The following PIK3CA variants were observed in gnomAD, a reference collection of about 807,000 sequenced individuals.
The protein encoded by PIK3CA is phosphatidylinositol 4,5-bisphosphate 3-kinase catalytic subunit alpha isoform.
In PIK3CA, 27 loss-of-function variants were observed where a neutral mutation model predicts 138.2. That is an observed-to-expected ratio of 0.20 (90% CI 0.14 to 0.27). The LOEUF (loss-of-function observed/expected upper bound fraction) is 0.27. PIK3CA is among the 10% of genes least tolerant of loss of function. PIK3CA has a pLI of 1.00. For missense variants in PIK3CA, 544 were observed against 1,277.4 expected, an observed-to-expected ratio of 0.43 and a Z score of 8.75; for synonymous variants, 358 against 413.2, an observed-to-expected ratio of 0.87 and a Z score of 1.62.
At chr3:179,229,193 A>G (rs1325483569) in intron 17 of PIK3CA, 79 bp from the exon 18 acceptor site, 1 of 1,101,406 alleles carries the variant, frequency 9.1e-7, no homozygotes, top group African/African-American at 1.6e-5. Flanking sequence ...CTAATAAAAT[A>G]CTCATGTTTT....
chr3:179,226,139 A>C (rs1332209596), intron 17 of PIK3CA, 99 bp downstream of exon 17: 1 of 643,326 alleles, frequency 1.6e-6, no homozygotes, highest in Non-Finnish European at 2.8e-6. Context: ...TCTAAAAAGA[A>C]ATGTATGCAG....
intron 9 of PIK3CA, among the ~76,000 whole-genome samples, chr3:179,210,992 T>C (rs564882752): frequency 1.4e-4 from 22 of 152,136 alleles, no homozygotes; most frequent in Non-Finnish European, 2.5e-4. Flanking sequence ...TCAATAAATA[T>C]ATTGGAAAAT....
At chr3:179,223,465 A>G (rs1576944978) in intron 14 of PIK3CA, among the ~76,000 whole-genome samples, 1 of 152,210 alleles carries the variant, frequency 6.6e-6, no homozygotes, top group East Asian at 1.9e-4. Flanking sequence ...CCATGTAACA[A>G]ATGTTTTTAC....
intron 1 of PIK3CA, among the ~76,000 whole-genome samples, chr3:179,185,269 C>T (rs1477251142): frequency 3.9e-5 from 6 of 152,216 alleles, no homozygotes; most frequent in African/African-American, 1.4e-4. Flanking sequence ...ATCTTGCCTT[C>T]AGCTTCTTAC....
chr3:179,198,879 A>G lies in PIK3CA; in HGVS notation c.54A>G (p.Pro18=), dbSNP rs547238917. ...TGTGGGGCATCCACTTGATGCCCCC[A>G]AGAATCCTAGTAGAATGTTTACTAC... is the stretch of plus-strand genomic sequence containing the variant. ...GELWGIHLMP[P]RILVECLLPN... Residue 18 remains proline (P), a synonymous_variant, in exon 2 of 21, where the codon CCA becomes CCG. Transcript: ENST00000263967. 1 of 1,597,218 alleles carries G rather than the reference A, an allele frequency of 6.3e-7. No individual in the cohort carries two copies. The highest frequency in any genetic ancestry group is 8.5e-7 in the Non-Finnish European group (1 of 1,174,096).
At chr3:179,194,070 C>G (rs1254245013) in intron 1 of PIK3CA, among the ~76,000 whole-genome samples, 2 of 151,930 alleles carry the variant, frequency 1.3e-5, no homozygotes, top group Non-Finnish European at 2.9e-5. Context: ...GGATTTTTCT[C>G]TAGACAATTG....
chr3:179,221,347 C>G (rs1360346404), intron 14 of PIK3CA, among the ~76,000 whole-genome samples, 190 bp downstream of exon 14: 4 of 152,068 alleles, frequency 2.6e-5, no homozygotes, highest in African/African-American at 9.7e-5. Context: ...TTTTCTTTGT[C>G]TGTAAAATGG....
intron 1 of PIK3CA, among the ~76,000 whole-genome samples, chr3:179,175,135 T>C (rs1206931620): frequency 6.6e-6 from 1 of 152,230 alleles, no homozygotes; most frequent in Admixed American, 6.5e-5. Context: ...ACCTTCATGG[T>C]TGACTACCTC....
chr3:179,150,833 G>C (rs986634342), intron 1 of PIK3CA, among the ~76,000 whole-genome samples: 7 of 152,154 alleles, frequency 4.6e-5, no homozygotes, highest in African/African-American at 1.7e-4. Flanking sequence ...TTTGTGTGCC[G>C]CTTCTTATAA....
intron 1 of PIK3CA, among the ~76,000 whole-genome samples, chr3:179,189,507 C>G (rs928163099): frequency 6.6e-6 from 1 of 151,706 alleles, no homozygotes; most frequent in African/African-American, 2.4e-5. Flanking sequence ...TTCTTTTAAC[C>G]CAACCTTGGT....
chr3:179,192,990 C>A (rs76278088), intron 1 of PIK3CA, among the ~76,000 whole-genome samples: 2,392 of 152,266 alleles, frequency 0.016, 92 homozygotes, highest in South Asian at 0.13. Flanking sequence ...GTATAAAAGT[C>A]AAATGACAAT....
At chr3:179,181,741 C>G (rs1269580919) in intron 1 of PIK3CA, among the ~76,000 whole-genome samples, 1 of 152,084 alleles carries the variant, frequency 6.6e-6, no homozygotes, top group African/African-American at 2.4e-5. Flanking sequence ...AAATCATAGT[C>G]ACATACACCA....
chr3:179,157,611 T>C lies in PIK3CA; in HGVS notation c.-77+9008T>C, dbSNP rs138232948. ...TTGTTTGGTATAAATATCAGACATA[T>C]ATGTTTGTTTACTCTAAAACTAATT... On this transcript the variant is annotated intron_variant, in intron 1 of 20. Coordinates refer to ENST00000263967, the MANE Select transcript of PIK3CA (RefSeq NM_006218.4). 3.9e-3 allele frequency among the ~76,000 whole-genome samples: 596 copies of C among 152,202 alleles called. 8 individuals carry two copies. Among genetic ancestry groups the C allele is most frequent in the Admixed American group, 0.028 (426 of 15,294 alleles).
intron 1 of PIK3CA, among the ~76,000 whole-genome samples, chr3:179,198,334 A>G (rs1724319209): frequency 6.6e-6 from 1 of 152,234 alleles, no homozygotes; most frequent in East Asian, 1.9e-4. Context: ...CAGTGGACCC[A>G]TGATCTGAAA....
At chr3:179,223,538 A>G (rs1365071532) in intron 14 of PIK3CA, among the ~76,000 whole-genome samples, 4 of 152,222 alleles carry the variant, frequency 2.6e-5, no homozygotes, top group Admixed American at 6.6e-5. Context: ...CAAAGAGAGT[A>G]TGAATGCTGT....
intron 1 of PIK3CA, among the ~76,000 whole-genome samples, chr3:179,155,145 A>G (rs1576911092): frequency 1.3e-5 from 2 of 152,314 alleles, no homozygotes; most frequent in East Asian, 1.9e-4. Flanking sequence ...TAGTGGACGA[A>G]TATGTCTTAT....
chr3:179,189,939 G>C (rs1724085249), intron 1 of PIK3CA, among the ~76,000 whole-genome samples: 1 of 152,168 alleles, frequency 6.6e-6, no homozygotes, highest in African/African-American at 2.4e-5. Flanking sequence ...TCCAGAGCTA[G>C]TATATATTAC....
intron 1 of PIK3CA, among the ~76,000 whole-genome samples, chr3:179,148,988 C>T (rs1266786154): frequency 6.6e-6 from 1 of 152,108 alleles, no homozygotes; most frequent in African/African-American, 2.4e-5. Flanking sequence ...GGAGGGGCTG[C>T]CGCGAGGACT....
chr3:179,237,051 T>A lies in PIK3CA; in HGVS notation c.*2687T>A, dbSNP rs971299006. 3 of 193,848 alleles carry A rather than the reference T, an allele frequency of 1.5e-5. No homozygotes were observed. Among genetic ancestry groups the A allele is most frequent in the Admixed American group, 1.2e-4 (2 of 16,344 alleles). 12.0% of individuals were successfully genotyped at this position (193,848 alleles called of 1,614,324 possible). ...ATTATTTTGAGAAAAAGTCTAAAAG[T>A]AATAAAAATAATTTTAAACACACTG... is the stretch of plus-strand genomic sequence containing the variant. On this transcript the variant is annotated 3_prime_UTR_variant, in exon 21 of 21. Coordinates refer to ENST00000263967, the MANE Select transcript of PIK3CA (RefSeq NM_006218.4).
Sources: allele counts gnomAD v4.1 joint callset (sites outside exome capture counted in the v4.1 genomes callset), GRCh38; gene constraint gnomAD v4.1.1; transcripts MANE v1.5; gene names NCBI Gene and HGNC (gene_info 2026-07-23, HGNC 2026-07-21).